MELK: variants seen among roughly 807,000 people sequenced by gnomAD.
MELK encodes the protein maternal embryonic leucine zipper kinase, also known as pEg3 kinase.
Under a neutral mutation model 85.0 loss-of-function variants are expected in MELK, and 81 were observed. The ratio of observed to expected loss-of-function variants is 0.95; its 90% CI spans 0.80 to 1.15. MELK has a LOEUF of 1.15. Ranked by LOEUF, MELK falls within the 50% of genes most tolerant of loss-of-function variation. The pLI is 0.00. For missense variants in MELK, 754 were observed against 777.5 expected, an observed-to-expected ratio of 0.97 and a Z score of 0.36; for synonymous variants, 252 against 265.0, an observed-to-expected ratio of 0.95 and a Z score of 0.48.
chr9:36,583,556 A>T (rs1587319941), intron 2 of MELK, 71 bp from the exon 3 acceptor site: 1 of 971,224 alleles, frequency 1.0e-6, no homozygotes, highest in East Asian at 2.8e-5. Context: ...GTCTTTTAAA[A>T]TTATTATATA....
chr9:36,671,203 C>A, intron 16 of MELK, 37 bp downstream of exon 16: 1 of 1,504,802 alleles, frequency 6.6e-7, no homozygotes, highest in South Asian at 1.4e-5. Context: ...GGAGCAGAAG[C>A]TGACTGCTAA....
chr9:36,577,993 C>T (rs1315596632), intron 1 of MELK, among the ~76,000 whole-genome samples: 1 of 151,950 alleles, frequency 6.6e-6, no homozygotes, highest in Non-Finnish European at 1.5e-5. Context: ...GCTATATTGT[C>T]CTGGCTTGTC....
intron 8 of MELK, among the ~76,000 whole-genome samples, chr9:36,626,506 G>A (rs373232475): frequency 4.5e-4 from 69 of 152,264 alleles, no homozygotes; most frequent in African/African-American, 1.6e-3. Flanking sequence ...ACACTTACAC[G>A]TAGACATATA....
chr9:36,657,272 C>CA lies in MELK; in HGVS notation c.1087dup (p.Ser363LysfsTer2). ...AATTGGAGTCTGGAAGATGTGACCG[C>CA]AAGTGATAAAAATTATGTGGCGGGA... On this transcript the variant is annotated frameshift_variant, in exon 13 of 18. Coordinates refer to ENST00000298048, the MANE Select transcript of MELK (RefSeq NM_014791.4). LOFTEE classifies it high-confidence loss of function. The CA allele has an allele frequency of 6.2e-7, 1 of 1,613,380 alleles. No homozygotes were observed. The highest frequency in any genetic ancestry group is 8.5e-7 in the Non-Finnish European group (1 of 1,179,818).
At chr9:36,649,057 A>G (rs1830463191) in intron 11 of MELK, among the ~76,000 whole-genome samples, 1 of 152,236 alleles carries the variant, frequency 6.6e-6, no homozygotes, top group African/African-American at 2.4e-5. Flanking sequence ...AGTGATTTTC[A>G]TTCTTGACAT....
chr9:36,611,013 A>G (rs114606560), intron 8 of MELK, among the ~76,000 whole-genome samples: 324 of 152,274 alleles, frequency 2.1e-3, no homozygotes, highest in African/African-American at 7.4e-3. Context: ...CTCAAAGGAA[A>G]TGCTTACTGG....
In MELK at chr9:36,583,645, A is replaced by G. The variant is rs114617403; in HGVS notation, c.77A>G (p.Lys26Arg). The stretch of plus-strand genomic sequence containing the variant: ...TACTTAGGTGGCTTTGCAAAGGTCA[A>G]ACTTGCCTGCCATATCCTTACTGGA... ...TIGTGGFAKV[K>R]LACHILTGEM... is the part of the protein sequence containing the mutation. The change falls in exon 3 of 18, where the codon AAA becomes AGA. Residue 26 changes from lysine to arginine, a missense_variant. Physicochemically the swap from Lys to Arg is conservative, Grantham distance 26. Transcript: ENST00000298048. 9,504 of 1,611,680 alleles carry G rather than the reference A, an allele frequency of 5.9e-3. 51 individuals carry two copies. Among genetic ancestry groups the G allele is most frequent in the Non-Finnish European group, 6.8e-3 (8,000 of 1,178,454 alleles).
chr9:36,643,214 C>T (rs758976028), intron 11 of MELK, 131 bp downstream of exon 11: 1 of 614,454 alleles, frequency 1.6e-6, no homozygotes, highest in African/African-American at 2.0e-5. Flanking sequence ...GAAACCCCAT[C>T]TCTACTGAAA....
At chr9:36,635,736 C>T (rs924676421) in intron 10 of MELK, among the ~76,000 whole-genome samples, 1 of 151,652 alleles carries the variant, frequency 6.6e-6, no homozygotes, top group African/African-American at 2.4e-5. Flanking sequence ...TAAACAACAC[C>T]AAGTGTTATT....
chr9:36,651,680 T>G, intron 11 of MELK, 66 bp from the exon 12 acceptor site: 1 of 1,550,970 alleles, frequency 6.4e-7, no homozygotes, highest in East Asian at 2.3e-5. Context: ...AAAAATTAAT[T>G]AAAGATAGAA....
rs1055974282 is a variant in MELK at position 36,626,434 on chromosome 9, C to T, written c.667-3865C>T. On this transcript the variant is annotated intron_variant, in intron 8 of 17. Transcript: ENST00000298048. ...ACTTACTGAGGCTCCAGAAGGTCTT[C>T]GGGACTCAGACCTTAGTTATAGCTT... Among the ~76,000 whole-genome samples, 10 of 152,206 alleles carry T rather than the reference C, an allele frequency of 6.6e-5. No homozygotes were observed. In the South Asian group the frequency reaches 8.3e-4, roughly 13 times the overall value.
At chr9:36,676,623 G>T (rs1833371256) in intron 17 of MELK, among the ~76,000 whole-genome samples, 1 of 152,110 alleles carries the variant, frequency 6.6e-6, no homozygotes, top group African/African-American at 2.4e-5. Flanking sequence ...CTGCCATAAA[G>T]TGATGTGATG....
At chr9:36,642,749 A>G (rs1425715379) in intron 10 of MELK, among the ~76,000 whole-genome samples, 6 of 152,020 alleles carry the variant, frequency 3.9e-5, no homozygotes, top group Non-Finnish European at 2.9e-5. Flanking sequence ...GAACTTTAAC[A>G]ACAGTTGCTC....
At chr9:36,627,088 A>ACACACACACACG (rs1828013891) in intron 8 of MELK, among the ~76,000 whole-genome samples, 2 of 150,196 alleles carry the variant, frequency 1.3e-5, no homozygotes, top group African/African-American at 4.9e-5. Context: ...ACACACACAC[A>ACACACACACACG]CGCCAACTGT....
At position 36,669,357 on chromosome 9, in the gene MELK, T is replaced by TC. The variant is rs780669348; in HGVS notation, c.1457dup (p.Thr487AsnfsTer12). 28 of 1,608,916 alleles carry TC rather than the reference T, an allele frequency of 1.7e-5. No homozygotes were observed. The Admixed American group carries it at 4.7e-4, about 27-fold the overall frequency. On this transcript the variant is annotated frameshift_variant, in exon 15 of 18. Coordinates refer to ENST00000298048, the MANE Select transcript of MELK (RefSeq NM_014791.4). LOFTEE classifies it high-confidence loss of function. Reference sequence around the variant, plus strand: ...AACTCCAATTAAAATACCAGTAAATTCAACAGGAACAGACAAGTTAATGAC... The same window carrying TC: ...AACTCCAATTAAAATACCAGTAAATTCCAACAGGAACAGACAAGTTAATGAC...
intron 8 of MELK, among the ~76,000 whole-genome samples, chr9:36,615,951 G>A: frequency 6.6e-6 from 1 of 152,100 alleles, no homozygotes; most frequent in Non-Finnish European, 1.5e-5. Flanking sequence ...CCCAGACGGG[G>A]TGGCGGCCAG....
At position 36,596,581 on chromosome 9, in the gene MELK, G is replaced by GT. The variant is rs1173675582; in HGVS notation, c.406-633dup. On this transcript the variant is annotated intron_variant, in intron 5 of 17. Coordinates refer to ENST00000298048, the MANE Select transcript of MELK (RefSeq NM_014791.4). ...CCTTTTTGTTTTTTTTGTTTTTTTT[G>GT]TTTTTTTTGTTTTTTTTTTTTTGAG... Among the ~76,000 whole-genome samples the GT allele has an allele frequency of 4.3e-4, 42 of 98,444 alleles. 1 individual carries two copies. Among genetic ancestry groups the GT allele is most frequent in the Non-Finnish European group, 5.8e-4 (32 of 54,758 alleles). The allele number at this position is 98,444 out of a possible 152,430, so 64.6% of individuals were successfully genotyped here. A position where few individuals can be genotyped will look rare whatever the true frequency, so the allele number is the denominator to read the frequency against.
intron 1 of MELK, among the ~76,000 whole-genome samples, chr9:36,579,899 T>C (rs1338594939): frequency 6.6e-6 from 1 of 152,188 alleles, no homozygotes; most frequent in Non-Finnish European, 1.5e-5. Flanking sequence ...TTATTTGATG[T>C]ATAATTAACA....
intron 4 of MELK, among the ~76,000 whole-genome samples, chr9:36,592,644 C>T (rs1284211363): frequency 6.6e-6 from 1 of 151,954 alleles, no homozygotes; most frequent in African/African-American, 2.4e-5. Context: ...TTGTTTTTTT[C>T]CCAGGTAACA....
Sources: allele counts gnomAD v4.1 joint callset (sites outside exome capture counted in the v4.1 genomes callset), GRCh38; gene constraint gnomAD v4.1.1; transcripts MANE v1.5; gene names NCBI Gene and HGNC (gene_info 2026-07-23, HGNC 2026-07-21).